ARHGAP23: variants seen among roughly 807,000 people sequenced by gnomAD.
The protein encoded by ARHGAP23 is rho GTPase-activating protein 23.
ARHGAP23 carries 34 observed loss-of-function variants against 136.3 expected under a neutral mutation model. The ratio of observed to expected loss-of-function variants is 0.25; its 90% CI spans 0.19 to 0.33. The LOEUF (loss-of-function observed/expected upper bound fraction) is 0.33. Ranked by LOEUF, ARHGAP23 falls within the 10% of genes least tolerant of loss-of-function variation. The pLI is 1.00. For missense variants in ARHGAP23, 1,808 were observed against 2,139.0 expected, an observed-to-expected ratio of 0.85 and a Z score of 3.05; for synonymous variants, 832 against 920.5, an observed-to-expected ratio of 0.90 and a Z score of 1.74.
chr17:38,421,115 C>A (rs1339417053), intron 1 of ARHGAP23, among the ~76,000 whole-genome samples: 1 of 152,184 alleles, frequency 6.6e-6, no homozygotes, highest in Non-Finnish European at 1.5e-5. Context: ...AGAGGACAGA[C>A]CACAGCCTGC....
At chr17:38,462,711 G>T in intron 3 of ARHGAP23, 135 bp from the exon 4 acceptor site, 1 of 644,366 alleles carries the variant, frequency 1.6e-6, no homozygotes, top group Non-Finnish European at 2.5e-6. Context: ...GTGTCCTCGT[G>T]GATGTTTGAG....
chr17:38,424,242 C>T (rs1006191582), upstream of ARHGAP23, among the ~76,000 whole-genome samples: 4 of 152,110 alleles, frequency 2.6e-5, no homozygotes, highest in Non-Finnish European at 4.4e-5. Context: ...GCCCTCCTTG[C>T]GTCCCCTCCG....
At chr17:38,459,169 C>T (rs1366650170) in intron 2 of ARHGAP23, among the ~76,000 whole-genome samples, 1 of 152,198 alleles carries the variant, frequency 6.6e-6, no homozygotes, top group Non-Finnish European at 1.5e-5. Context: ...TTCCCTAGGA[C>T]CGGGATCTGC....
At chr17:38,483,830 C>T (rs1005157944) in intron 16 of ARHGAP23, among the ~76,000 whole-genome samples, 3 of 152,004 alleles carry the variant, frequency 2.0e-5, no homozygotes, top group African/African-American at 4.8e-5. Context: ...GGCAGGTGGA[C>T]GGGAAGCCTT....
intron 6 of ARHGAP23, among the ~76,000 whole-genome samples, chr17:38,463,992 C>T (rs1232242354): frequency 6.6e-6 from 1 of 152,096 alleles, no homozygotes; most frequent in Non-Finnish European, 1.5e-5. Flanking sequence ...CACCCACAAA[C>T]ATTAAAACAC....
Position 38,478,011 on chromosome 17 carries a change from G to T in ARHGAP23, c.2436+115G>T, listed in dbSNP as rs1406289290. The stretch of plus-strand genomic sequence containing the variant: ...CTTCCCTCTGCTAGAAAGGGGGGCT[G>T]ACAGGAGTGCACCTCGTGATTGTGT... On this transcript the variant is annotated intron_variant, in intron 12 of 23. Transcript: ENST00000622683. 20 of 1,121,402 alleles carry T rather than the reference G, an allele frequency of 1.8e-5. No homozygotes were observed. In the Admixed American group the frequency reaches 3.6e-4, roughly 20 times the overall value. The allele number at this position is 1,121,402 out of a possible 1,614,324, so 69.5% of individuals were successfully genotyped here. A position where few individuals can be genotyped will look rare whatever the true frequency, so the allele number is the denominator to read the frequency against.
chr17:38,482,287 C>G, intron 15 of ARHGAP23, 144 bp downstream of exon 15: 1 of 1,405,036 alleles, frequency 7.1e-7, no homozygotes, highest in Non-Finnish European at 9.5e-7. Flanking sequence ...GGAAGGCCCC[C>G]GCCTGCCCCG....
At chr17:38,460,713 A>G (rs564660208) in intron 2 of ARHGAP23, among the ~76,000 whole-genome samples, 192 bp from the exon 3 acceptor site, 1 of 152,286 alleles carries the variant, frequency 6.6e-6, no homozygotes, top group East Asian at 1.9e-4. Context: ...CGATGGGAGC[A>G]CATGTCACTG....
intron 3 of ARHGAP23, 81 bp from the exon 4 acceptor site, chr17:38,462,763 AGT>A: frequency 4.1e-6 from 4 of 964,870 alleles, no homozygotes; most frequent in Non-Finnish European, 6.0e-6. Flanking sequence ...TCATTCTCTG[AGT>A]GTGTGTCCCC....
At chr17:38,490,265 G>A (rs550237875) in intron 18 of ARHGAP23, 90 bp downstream of exon 18, 29 of 1,346,390 alleles carry the variant, frequency 2.2e-5, no homozygotes, top group Middle Eastern at 2.5e-4. Flanking sequence ...TGCTGCCCAC[G>A]ACCCCTGTGG....
At chr17:38,499,331 A>T in intron 22 of ARHGAP23, among the ~76,000 whole-genome samples, 1 of 152,014 alleles carries the variant, frequency 6.6e-6, no homozygotes, top group Non-Finnish European at 1.5e-5. Flanking sequence ...GCTTCTCTTT[A>T]TCTCTAACTC....
chr17:38,464,906 G>C (rs929241749), intron 6 of ARHGAP23, among the ~76,000 whole-genome samples: 16 of 152,136 alleles, frequency 1.1e-4, no homozygotes, highest in African/African-American at 3.6e-4. Flanking sequence ...ATCGGGCCTC[G>C]GCAGCTGCTG....
rs1465383423 is a variant in ARHGAP23 at position 38,434,266 on chromosome 17, G to GGCCC, written c.63+5720_63+5723dup. On this transcript the variant is annotated intron_variant, in intron 1 of 23. Coordinates refer to ENST00000622683, the MANE Select transcript of ARHGAP23 (RefSeq NM_001199417.2). ...GCTACTCCCGGTGGCAAGGAGCCCG[G>GGCCC]GCCCGTAAGGAGCGGAACTGGGGAA... Among the ~76,000 whole-genome samples, 3 of 152,342 alleles carry GGCCC rather than the reference G, an allele frequency of 2.0e-5. No homozygotes were observed. The East Asian group carries it at 5.8e-4, about 29-fold the overall frequency.
In ARHGAP23 at chr17:38,462,908, G is replaced by A; in HGVS notation, c.316G>A (p.Asp106Asn). 1.3e-6 allele frequency: 2 copies of A among 1,537,780 alleles called. No homozygotes were observed. Among genetic ancestry groups the A allele is most frequent in the Non-Finnish European group, 8.7e-7 (1 of 1,143,174 alleles). ...CATCTTTGTCAAGAATGTGAAGGAA[G>A]ACGGCCCTGCCCATAGGGCGGGGCT... is the stretch of plus-strand genomic sequence containing the variant. ...DTIFVKNVKE[D>N]GPAHRAGLRT... The change falls in exon 4 of 24, where the codon GAC becomes AAC. Residue 106 changes from aspartate to asparagine, a missense_variant. Physicochemically the swap from Asp to Asn is conservative, Grantham distance 23. Transcript: ENST00000622683.
intron 1 of ARHGAP23, among the ~76,000 whole-genome samples, chr17:38,456,511 A>C (rs2039329392): frequency 6.6e-6 from 1 of 152,088 alleles, no homozygotes; most frequent in Non-Finnish European, 1.5e-5. Flanking sequence ...GGTGCCGAGG[A>C]GGAGTTGAGG....
At position 38,467,013 on chromosome 17, in the gene ARHGAP23, G is replaced by T. The variant is rs549730983; in HGVS notation, c.1330G>T (p.Gly444Trp). The change falls in exon 7 of 24, where the codon GGG becomes TGG. Residue 444 changes from glycine to tryptophan, a missense_variant. Gly to Trp is a radical substitution (Grantham distance 184, BLOSUM62 -2). Around this residue, in one of 7 missense-constraint regions of ARHGAP23, gnomAD observed 859 missense variants for 936.4 expected, o/e 0.92. Transcript: ENST00000622683. ...GCTCTCCTTCCGGGACTCACCCTTTGGGGGGCTGCCTACCTTCAACCTGGC... is the reference window on the plus strand; with the variant it reads ...GCTCTCCTTCCGGGACTCACCCTTTTGGGGGCTGCCTACCTTCAACCTGGC... The part of the protein sequence containing the change: ...HALSFRDSPF[G>W]GLPTFNLAQS... The T allele has an allele frequency of 3.2e-6, 5 of 1,550,656 alleles. No individual in the cohort carries two copies. Among genetic ancestry groups the T allele is most frequent in the East Asian group, 4.9e-5 (2 of 40,926 alleles).
At chr17:38,432,976 A>G (rs1226514934) in intron 1 of ARHGAP23, among the ~76,000 whole-genome samples, 1 of 152,180 alleles carries the variant, frequency 6.6e-6, no homozygotes, top group Admixed American at 6.5e-5. Context: ...CTTTTGAGGC[A>G]GGGTCTTGTT....
intron 1 of ARHGAP23, among the ~76,000 whole-genome samples, chr17:38,431,546 C>G (rs1264152420): frequency 6.6e-6 from 1 of 152,168 alleles, no homozygotes; most frequent in African/African-American, 2.4e-5. Flanking sequence ...CCCCCTGTTT[C>G]TTGTGAAATT....
intron 11 of ARHGAP23, among the ~76,000 whole-genome samples, chr17:38,474,226 C>T (rs1459688747): frequency 6.6e-6 from 1 of 152,196 alleles, no homozygotes. Flanking sequence ...CAGCTCTGTC[C>T]AGGGTTTTAA....
Sources: gnomAD v4.1 joint callset for allele counts (sites outside exome capture counted in the v4.1 genomes callset) on GRCh38, gnomAD v4.1.1 for gene constraint, gnomAD v4.1.1 regional missense constraint, MANE v1.5 for transcripts, NCBI Gene and HGNC (gene_info 2026-07-23, HGNC 2026-07-21) for gene names.